WDFY4: variants seen among roughly 807,000 people sequenced by gnomAD.
The protein encoded by WDFY4 is WDFY family member 4.
A neutral mutation model predicts 351.9 loss-of-function variants in WDFY4; 169 were observed. That is an observed-to-expected ratio of 0.48 (90% CI 0.42 to 0.55). The LOEUF (loss-of-function observed/expected upper bound fraction) is 0.55. WDFY4 is among the 20% of genes least tolerant of loss of function. WDFY4 has a pLI of 0.00. For synonymous variants in WDFY4, 1,622 were observed against 1,574.6 expected (o/e 1.03, Z -0.71); for missense variants, 3,803 against 3,935.6 (o/e 0.97, Z 0.90).
intron 1 of WDFY4, among the ~76,000 whole-genome samples, chr10:48,688,290 G>T (rs2063107338): frequency 6.6e-6 from 1 of 152,074 alleles, no homozygotes; most frequent in African/African-American, 2.4e-5. Flanking sequence ...CCTGTCTTGA[G>T]AATTCTTGGT....
chr10:48,962,812 C>A lies in WDFY4; in HGVS notation c.8224-1030C>A, dbSNP rs1480352019. Among the ~76,000 whole-genome samples the A allele has an allele frequency of 2.0e-5, 3 of 152,316 alleles. No homozygotes were observed. In the East Asian group the frequency reaches 5.8e-4, roughly 29 times the overall value. ...TGTCTCCTGTCCTCCCATCTGGAGT[C>A]AGTGAGCCTGAGCATGGACAGAATG... On this transcript the variant is annotated intron_variant, in intron 53 of 61. Coordinates refer to ENST00000325239, the MANE Select transcript of WDFY4 (RefSeq NM_001394531.1).
chr10:48,885,084 C>A (rs1443296426), intron 43 of WDFY4, among the ~76,000 whole-genome samples: 1 of 151,376 alleles, frequency 6.6e-6, no homozygotes, highest in Non-Finnish European at 1.5e-5. Flanking sequence ...TTTTTCTTAG[C>A]CTAGCTGGTG....
At chr10:48,921,714 A>G (rs1268186287) in intron 47 of WDFY4, among the ~76,000 whole-genome samples, 1 of 152,240 alleles carries the variant, frequency 6.6e-6, no homozygotes, top group East Asian at 1.9e-4. Flanking sequence ...AGATCTTTTC[A>G]ACTCAACAGT....
At chr10:48,760,607 G>A (rs1425363699) in intron 13 of WDFY4, among the ~76,000 whole-genome samples, 167 bp downstream of exon 13, 1 of 152,190 alleles carries the variant, frequency 6.6e-6, no homozygotes, top group Admixed American at 6.5e-5. Context: ...GGGTGTCCTG[G>A]ACACTTGACT....
At chr10:48,749,881 G>A (rs1362507113) in intron 12 of WDFY4, among the ~76,000 whole-genome samples, 1 of 152,154 alleles carries the variant, frequency 6.6e-6, no homozygotes, top group African/African-American at 2.4e-5. Context: ...CCCCTGCCAG[G>A]CCTCGTGGGC....
intron 39 of WDFY4, among the ~76,000 whole-genome samples, chr10:48,862,527 A>G (rs1460100767): frequency 1.3e-5 from 2 of 152,152 alleles, no homozygotes; most frequent in Non-Finnish European, 2.9e-5. Flanking sequence ...ACTGTCTCCC[A>G]TCACCCTCAG....
At chr10:48,876,953 T>C in intron 42 of WDFY4, 80 bp from the exon 43 acceptor site, 1 of 1,349,542 alleles carries the variant, frequency 7.4e-7, no homozygotes, top group South Asian at 1.7e-5. Flanking sequence ...TCCTTGGTGA[T>C]GTAGGCACAT....
At position 48,776,888 on chromosome 10, in the gene WDFY4, G is replaced by T; in HGVS notation, c.3002G>T (p.Ser1001Ile). The change falls in exon 16 of 62, where the codon AGC becomes ATC. Residue 1001 changes from serine to isoleucine, a missense_variant. By Grantham distance (142) the Ser-to-Ile change is moderately radical (BLOSUM62 -2). Transcript: ENST00000325239. ...DSTTALQTAL[S>I]LISMTSPRNL... ...ACTACTGCTCTTCAGACGGCGCTGA[G>T]CCTCATCTCCATGACCTCCCCACGC... The T allele has an allele frequency of 6.4e-7, 1 of 1,552,058 alleles. No individual in the cohort carries two copies.
At chr10:48,768,127 A>G (rs1356962667) in intron 13 of WDFY4, among the ~76,000 whole-genome samples, 1 of 152,180 alleles carries the variant, frequency 6.6e-6, no homozygotes, top group Non-Finnish European at 1.5e-5. Context: ...TAGTCCTGTC[A>G]TCTGGAGCAT....
chr10:48,788,757 C>T (rs2066580964), intron 21 of WDFY4, 82 bp downstream of exon 21: 9 of 1,497,148 alleles, frequency 6.0e-6, no homozygotes, highest in African/African-American at 1.4e-5. Context: ...TAAGTAAACA[C>T]TATTTCATGT....
At chr10:48,827,766 A>G (rs1282507065) in intron 36 of WDFY4, among the ~76,000 whole-genome samples, 2 of 152,086 alleles carry the variant, frequency 1.3e-5, no homozygotes, top group East Asian at 3.9e-4. Flanking sequence ...GCAGTACAAA[A>G]CACTAGCATT....
intron 13 of WDFY4, among the ~76,000 whole-genome samples, chr10:48,770,467 T>C (rs963568856): frequency 1.3e-5 from 2 of 152,222 alleles, no homozygotes; most frequent in South Asian, 4.1e-4. Flanking sequence ...TGCCTTTTGG[T>C]TCATACAGAC....
At chr10:48,721,218 TG>T (rs1290493384) in intron 3 of WDFY4, 42 bp from the exon 4 acceptor site, 1 of 1,518,658 alleles carries the variant, frequency 6.6e-7, no homozygotes, top group Non-Finnish European at 9.0e-7. Context: ...GGAAGCTGAG[TG>T]GGCAGGTCGC....
chr10:48,781,662 C>A (rs2066230076), intron 19 of WDFY4, among the ~76,000 whole-genome samples: 1 of 152,164 alleles, frequency 6.6e-6, no homozygotes, highest in Non-Finnish European at 1.5e-5. Context: ...ACCTTTTCTG[C>A]AATTATTAAC....
At chr10:48,727,818 G>T (rs900506494) in intron 7 of WDFY4, among the ~76,000 whole-genome samples, 159 bp downstream of exon 7, 10 of 152,186 alleles carry the variant, frequency 6.6e-5, no homozygotes, top group African/African-American at 2.2e-4. Flanking sequence ...GACAGGCATG[G>T]GGACCACTTC....
At chr10:48,967,624 G>A (rs911067512) in intron 55 of WDFY4, 1 of 152,130 alleles carries the variant, frequency 6.6e-6, no homozygotes, top group East Asian at 1.9e-4. Flanking sequence ...TGGGGTGGGG[G>A]TGGTTCCACT....
At chr10:48,979,187 T>A (rs1307406497) in intron 60 of WDFY4, among the ~76,000 whole-genome samples, 1 of 152,188 alleles carries the variant, frequency 6.6e-6, no homozygotes, top group African/African-American at 2.4e-5. Flanking sequence ...ATCACAAAGA[T>A]GCAGATCAAG....
At chr10:48,761,613 A>G (rs1259708973) in intron 13 of WDFY4, among the ~76,000 whole-genome samples, 2 of 152,220 alleles carry the variant, frequency 1.3e-5, no homozygotes, top group African/African-American at 4.8e-5. Flanking sequence ...CAGAACTAAC[A>G]GCCTCATTGT....
At chr10:48,911,425 T>C (rs1325547246) in intron 47 of WDFY4, among the ~76,000 whole-genome samples, 1 of 152,374 alleles carries the variant, frequency 6.6e-6, no homozygotes, top group East Asian at 1.9e-4. Context: ...ATAATGAGGC[T>C]ATGCCAAGGA....
Sources: allele counts gnomAD v4.1 joint callset (sites outside exome capture counted in the v4.1 genomes callset), GRCh38; gene constraint gnomAD v4.1.1; transcripts MANE v1.5; gene names NCBI Gene and HGNC (gene_info 2026-07-23, HGNC 2026-07-21).